Variants in ATP5ME observed in about 807,000 individuals in gnomAD.
ATP5ME encodes ATP synthase F(0) complex subunit e, mitochondrial.
A neutral mutation model predicts 11.6 loss-of-function variants in ATP5ME; 10 were observed. That is an observed-to-expected ratio of 0.86 (90% CI 0.53 to 1.46). ATP5ME has a LOEUF of 1.46. ATP5ME is among the 40% of genes most tolerant of loss of function. The pLI is 0.00. For synonymous variants in ATP5ME, 45 were observed against 33.5 expected (o/e 1.34, Z -1.19); for missense variants, 115 against 85.4 (o/e 1.35, Z -1.37).
Position 673,151 on chromosome 4 carries a change from T to C in ATP5ME, c.190+152A>G. On this transcript the variant is annotated intron_variant, in intron 3 of 3. Coordinates refer to ENST00000304312, the MANE Select transcript of ATP5ME (RefSeq NM_007100.4). The stretch of plus-strand genomic sequence containing the variant: ...TGCCCGCCTTGGCCTCCCAAAGTGC[T>C]GGGATACAGGCATGAGCCACCACGC... The C allele has an allele frequency of 3.1e-6, 4 of 1,279,726 alleles. No individual in the cohort carries two copies. The East Asian group carries it at 1.0e-4, about 33-fold the overall frequency. 79.3% of individuals were successfully genotyped at this position (1,279,726 alleles called of 1,614,324 possible).
chr4:673,791 C>T (rs1233949470), intron 2 of ATP5ME, 121 bp downstream of exon 2: 3 of 1,334,674 alleles, frequency 2.2e-6, no homozygotes, highest in Admixed American at 2.0e-5. Flanking sequence ...GTGGAGGACA[C>T]GGTCCTGCAG....
In ATP5ME at chr4:672,472, T is replaced by C; in HGVS notation, c.*28A>G. The C allele has an allele frequency of 6.2e-7, 1 of 1,613,878 alleles. No individual in the cohort carries two copies. Among genetic ancestry groups the C allele is most frequent in the Non-Finnish European group, 8.5e-7 (1 of 1,179,894 alleles). On this transcript the variant is annotated 3_prime_UTR_variant, in exon 4 of 4. Transcript: ENST00000304312. ...ACAGGAAGCTTTATTCATCCGCTGC[T>C]GGTCCAAAGAGTGGGTCGCAGGGTC...
At position 673,341 on chromosome 4, in the gene ATP5ME, T is replaced by A. The variant is rs762507288; in HGVS notation, c.152A>T (p.Gln51Leu). The A allele has an allele frequency of 1.9e-6, 3 of 1,614,240 alleles. No individual in the cohort carries two copies. The East Asian group carries it at 6.7e-5, about 36-fold the overall frequency. ...RRIAAEEKKK[Q>L]DELKRIAREL... ...TCTGGCAATCCGTTTCAGTTCATCC[T>A]GCTTCTTCTTCTCTTCTGCTGCTAT... Residue 51 changes from glutamine to leucine, a missense_variant, in exon 3 of 4, where the codon CAG becomes CTG. By Grantham distance (113) the Gln-to-Leu change is moderately radical. Coordinates refer to ENST00000304312, the MANE Select transcript of ATP5ME (RefSeq NM_007100.4).
intron 2 of ATP5ME, 22 bp downstream of exon 2, chr4:673,890 G>A (rs932628235): frequency 5.2e-6 from 8 of 1,545,432 alleles, no homozygotes; most frequent in Non-Finnish European, 7.0e-6. Flanking sequence ...ACCCCGCCCC[G>A]GCCCCGCCCG....
At chr4:673,214 C>T in intron 3 of ATP5ME, 89 bp downstream of exon 3, 1 of 1,598,004 alleles carries the variant, frequency 6.3e-7, no homozygotes. Context: ...TCCGCATCTA[C>T]TTAGCTCTGC....
rs752985057 is a variant in ATP5ME at position 673,286 on chromosome 4, GC to G, written c.190+16del. On this transcript the variant is annotated intron_variant, in intron 3 of 3. Coordinates refer to ENST00000304312, the MANE Select transcript of ATP5ME (RefSeq NM_007100.4). Reference sequence around the variant, plus strand: ...AACCTGGGAGGGACAATCTATAAGAGCCAGTGTCACTCGTACCTTCTGCCAA... The same window carrying G: ...AACCTGGGAGGGACAATCTATAAGAGCAGTGTCACTCGTACCTTCTGCCAA... 1.1e-5 allele frequency: 18 copies of G among 1,614,032 alleles called. No homozygotes were observed. The highest frequency in any genetic ancestry group is 1.5e-5 in the Non-Finnish European group (18 of 1,180,006).
intron 3 of ATP5ME, among the ~76,000 whole-genome samples, 172 bp from the exon 4 acceptor site, chr4:672,691 A>C (rs1376207472): frequency 6.6e-6 from 1 of 151,868 alleles, no homozygotes; most frequent in Non-Finnish European, 1.5e-5. Context: ...TCCCAGGTTA[A>C]AGCGATTCTC....
Position 673,960 on chromosome 4 carries a change from G to A in ATP5ME, c.43C>T (p.Arg15Cys). ...ACACCGAGGAACAGGGCGGAGTAGC[G>A]GCCGAGCTGCGAAAGAGGTTGGTCA... ...VQVSPLIKLG[R>C]YSALFLGVAY... The change falls in exon 2 of 4, where the codon CGC becomes TGC. Residue 15 changes from arginine (R) to cysteine (C), a missense_variant. Arg to Cys is a radical substitution (Grantham distance 180). Transcript: ENST00000304312. 3.9e-6 allele frequency: 6 copies of A among 1,545,372 alleles called. No individual in the cohort carries two copies. Among genetic ancestry groups the A allele is most frequent in the Non-Finnish European group, 4.4e-6 (5 of 1,146,776 alleles).
intron 3 of ATP5ME, 91 bp from the exon 4 acceptor site, chr4:672,610 T>G (rs575067668): frequency 2.9e-4 from 414 of 1,432,462 alleles, no homozygotes; most frequent in East Asian, 1.1e-3. Flanking sequence ...TTTTTTTTTT[T>G]TTTTTTGTTT....
intron 2 of ATP5ME, 31 bp downstream of exon 2, chr4:673,881 C>A: frequency 6.5e-7 from 1 of 1,544,970 alleles, no homozygotes; most frequent in South Asian, 1.2e-5. Flanking sequence ...GCCGAGCAGA[C>A]CCCGCCCCGG....
intron 1 of ATP5ME, 64 bp from the exon 2 acceptor site, chr4:674,030 A>T: frequency 6.6e-6 from 4 of 604,724 alleles, no homozygotes; most frequent in Non-Finnish European, 1.0e-5. Context: ...TCGCGGGAGG[A>T]GGGGGGGCGG....
At chr4:673,223 G>C in intron 3 of ATP5ME, 80 bp downstream of exon 3, 1 of 1,605,826 alleles carries the variant, frequency 6.2e-7, no homozygotes, top group Non-Finnish European at 8.5e-7. Context: ...ACTTAGCTCT[G>C]CTTAAATGTC....
chr4:674,030 AG>A (rs1030642275), intron 1 of ATP5ME, 64 bp from the exon 2 acceptor site: 33 of 604,580 alleles, frequency 5.5e-5, no homozygotes, highest in Non-Finnish European at 2.6e-5. Context: ...TCGCGGGAGG[AG>A]GGGGGGCGGG....
chr4:673,586 C>T (rs1216600966), intron 2 of ATP5ME, 185 bp from the exon 3 acceptor site: 2 of 1,022,552 alleles, frequency 2.0e-6, no homozygotes, highest in East Asian at 2.6e-5. Context: ...GGCTACAGGG[C>T]CCCTGCTGCC....
At chr4:674,017 G>A in intron 1 of ATP5ME, 51 bp from the exon 2 acceptor site, 1 of 1,534,550 alleles carries the variant, frequency 6.5e-7, no homozygotes, top group Non-Finnish European at 8.7e-7. Flanking sequence ...CGCGGGACGG[G>A]GGTCGCGGGA....
Position 672,492 on chromosome 4 carries a change from A to G in ATP5ME, c.*8T>C. 2.5e-6 allele frequency: 4 copies of G among 1,614,016 alleles called. No individual in the cohort carries two copies. The highest frequency in any genetic ancestry group is 3.4e-6 in the Non-Finnish European group (4 of 1,179,962). On this transcript the variant is annotated 3_prime_UTR_variant, in exon 4 of 4. Transcript: ENST00000304312. ...GCTGCTGGTCCAAAGAGTGGGTCGC[A>G]GGGTCACTCACTTTAATATGCTGTC...
chr4:673,619 C>G, intron 2 of ATP5ME: 1 of 831,954 alleles, frequency 1.2e-6, no homozygotes, highest in Non-Finnish European at 1.9e-6. Context: ...CACTGGCTCA[C>G]TCGTCCTCTG....
intron 2 of ATP5ME, 29 bp from the exon 3 acceptor site, chr4:673,430 T>C: frequency 3.1e-6 from 5 of 1,613,934 alleles, no homozygotes; most frequent in Non-Finnish European, 4.2e-6. Flanking sequence ...GAGAATAAAA[T>C]TCACTGGAAA....
chr4:674,111 T>C (rs1577321914), intron 1 of ATP5ME, 101 bp downstream of exon 1: 2 of 322,230 alleles, frequency 6.2e-6, no homozygotes, highest in Non-Finnish European at 8.4e-6. Context: ...GCGAGGATCA[T>C]GGGGGCGGGG....
Sources: allele counts gnomAD v4.1 joint callset (sites outside exome capture counted in the v4.1 genomes callset), GRCh38; gene constraint gnomAD v4.1.1; transcripts MANE v1.5; gene names NCBI Gene and HGNC (gene_info 2026-07-23, HGNC 2026-07-21).